The following COL11A1 variants were observed in gnomAD, a reference collection of about 807,000 sequenced individuals.
COL11A1 encodes collagen alpha-1(XI) chain.
Under a neutral mutation model 265.2 loss-of-function variants are expected in COL11A1, and 74 were observed. The ratio of observed to expected loss-of-function variants is 0.28; its 90% CI spans 0.23 to 0.34. The LOEUF is 0.34. Ranked by LOEUF, COL11A1 falls within the 10% of genes least tolerant of loss-of-function variation. COL11A1 has a pLI of 1.00. For synonymous variants in COL11A1, 816 were observed against 727.6 expected (o/e 1.12, Z -1.96); for missense variants, 2,165 against 2,263.6 (o/e 0.96, Z 0.88).
intron 46 of COL11A1, 91 bp from the exon 47 acceptor site, chr1:102,923,480 G>A: frequency 1.1e-6 from 1 of 930,570 alleles, no homozygotes; most frequent in Admixed American, 2.3e-5. Flanking sequence ...CAAGTATAAA[G>A]TTCAATAAGT....
intron 4 of COL11A1, among the ~76,000 whole-genome samples, chr1:103,057,688 G>C (rs912503238): frequency 1.3e-5 from 2 of 152,146 alleles, no homozygotes; most frequent in African/African-American, 4.8e-5. Flanking sequence ...CTACATCAGA[G>C]ATCTTGGGTG....
At chr1:102,921,015 T>C (rs1174834312) in intron 48 of COL11A1, among the ~76,000 whole-genome samples, 2 of 152,206 alleles carry the variant, frequency 1.3e-5, no homozygotes, top group Non-Finnish European at 2.9e-5. Context: ...CAAAATCTTA[T>C]AACATTAAAA....
At chr1:103,030,972 CT>C in intron 5 of COL11A1, 143 bp downstream of exon 5, 1 of 1,071,072 alleles carries the variant, frequency 9.3e-7, no homozygotes, top group Non-Finnish European at 1.4e-6. Flanking sequence ...ATTCAAGTCA[CT>C]TTTTCCTGGA....
At chr1:103,025,421 A>C in intron 7 of COL11A1, 100 bp downstream of exon 7, 1 of 847,028 alleles carries the variant, frequency 1.2e-6, no homozygotes. Flanking sequence ...AAAACATCAG[A>C]TGTTTGAGAA....
intron 4 of COL11A1, among the ~76,000 whole-genome samples, chr1:103,047,295 T>G (rs1669368457): frequency 1.3e-5 from 2 of 152,206 alleles, no homozygotes; most frequent in Non-Finnish European, 2.9e-5. Context: ...AGCAGTGGTT[T>G]GTAGTTATCC....
intron 28 of COL11A1, among the ~76,000 whole-genome samples, chr1:102,992,971 A>G (rs187274542): frequency 4.3e-4 from 65 of 151,058 alleles, no homozygotes; most frequent in African/African-American, 1.6e-3. Flanking sequence ...AATGTATCTT[A>G]TTTTTTTTTC....
chr1:102,997,519 G>A (rs1048420823), intron 25 of COL11A1, among the ~76,000 whole-genome samples: 2 of 151,904 alleles, frequency 1.3e-5, no homozygotes, highest in Non-Finnish European at 2.9e-5. Context: ...GGGGCACTAA[G>A]ACATGTGGAT....
chr1:102,989,569 A>G lies in COL11A1; in HGVS notation c.2343T>C (p.Gly781=). Residue 781 remains glycine, a splice_region_variant and synonymous_variant, in exon 29 of 67, where the codon GGT becomes GGC. Coordinates refer to ENST00000370096, the MANE Select transcript of COL11A1 (RefSeq NM_001854.4). ...RGLKGSKGEK[G]EDGFPGFKGD... is the part of the protein sequence containing the mutation. ...CTTTGAATCCTGGAAAACCATCTTC[A>G]CCCTAAAACATTATAAAAGGAATTA... The G allele has an allele frequency of 6.2e-7, 1 of 1,608,240 alleles. No homozygotes were observed. Among genetic ancestry groups the G allele is most frequent in the Non-Finnish European group, 8.5e-7 (1 of 1,175,342 alleles).
intron 21 of COL11A1, 104 bp downstream of exon 21, chr1:103,003,111 C>A: frequency 8.9e-7 from 1 of 1,127,890 alleles, no homozygotes; most frequent in South Asian, 1.3e-5. Context: ...TCAAACATAA[C>A]AAGGCAATAA....
At position 102,957,208 on chromosome 1, in the gene COL11A1, G is replaced by T. The variant is rs534577991; in HGVS notation, c.3168+4658C>A. 3.9e-5 allele frequency among the ~76,000 whole-genome samples: 6 copies of T among 152,102 alleles called. No homozygotes were observed. The South Asian group carries it at 1.2e-3, about 32-fold the overall frequency. ...AAATGGATTATAAATAAAGAGAATA[G>T]ATGCTAAATATACTTATAAATGAAT... On this transcript the variant is annotated intron_variant, in intron 41 of 66. Coordinates refer to ENST00000370096, the MANE Select transcript of COL11A1 (RefSeq NM_001854.4).
intron 4 of COL11A1, among the ~76,000 whole-genome samples, chr1:103,049,516 T>C (rs559670964): frequency 4.6e-4 from 70 of 152,350 alleles, no homozygotes; most frequent in African/African-American, 1.6e-3. Flanking sequence ...ATGGGTTTCC[T>C]GAATACAGCA....
At chr1:102,915,747 C>A in intron 49 of COL11A1, 63 bp from the exon 50 acceptor site, 3 of 1,249,156 alleles carry the variant, frequency 2.4e-6, no homozygotes, top group African/African-American at 1.5e-5. Context: ...TTATAAAATT[C>A]AAATGTTATC....
chr1:102,943,151 A>T (rs1658905885), intron 42 of COL11A1, among the ~76,000 whole-genome samples: 1 of 152,060 alleles, frequency 6.6e-6, no homozygotes. Flanking sequence ...AATAATAATG[A>T]GGCAACGCAT....
At chr1:103,075,602 T>TTA (rs1571222396) in intron 3 of COL11A1, among the ~76,000 whole-genome samples, 2 of 152,282 alleles carry the variant, frequency 1.3e-5, no homozygotes, top group East Asian at 3.9e-4. Flanking sequence ...TGTAAAATGG[T>TTA]GGGTTTTATT....
intron 2 of COL11A1, among the ~76,000 whole-genome samples, chr1:103,080,299 C>T (rs1672302672): frequency 6.6e-6 from 1 of 151,748 alleles, no homozygotes; most frequent in African/African-American, 2.4e-5. Flanking sequence ...TGGCTCAAAT[C>T]CCAGCCCTAC....
intron 46 of COL11A1, among the ~76,000 whole-genome samples, chr1:102,926,882 T>C (rs919938769): frequency 3.9e-5 from 6 of 152,186 alleles, no homozygotes; most frequent in African/African-American, 9.6e-5. Context: ...GTGGTACTTA[T>C]GACTGTTTAC....
chr1:103,034,138 T>C (rs10782917), intron 4 of COL11A1, among the ~76,000 whole-genome samples: 142,419 of 152,134 alleles, frequency 0.94, 66,899 homozygotes, highest in East Asian at 1. Context: ...GATTCTCTCA[T>C]AGTCTTTGTT....
rs879337611 is a variant in COL11A1, at chr1:102,933,136, G to A, written c.3600+1313C>T. On this transcript the variant is annotated intron_variant, in intron 46 of 66. Transcript: ENST00000370096. ...CCAGCTTTGTTCCATTGCTGGTGAG[G>A]AACTGCGTTCCTTTGGAGGAGGAGA... Among the ~76,000 whole-genome samples the A allele has an allele frequency of 4.6e-3, 693 of 150,476 alleles. 1 individual carries two copies. The highest frequency in any genetic ancestry group is 7.9e-3 in the Non-Finnish European group (533 of 67,704).
At chr1:102,984,431 T>G (rs1402513686) in intron 30 of COL11A1, among the ~76,000 whole-genome samples, 1 of 152,122 alleles carries the variant, frequency 6.6e-6, no homozygotes, top group Non-Finnish European at 1.5e-5. Context: ...TAAGTGGTAG[T>G]GCCTTCTTTA....
Sources: gnomAD v4.1 joint callset for allele counts (sites outside exome capture counted in the v4.1 genomes callset) on GRCh38, gnomAD v4.1.1 for gene constraint, MANE v1.5 for transcripts, NCBI Gene and HGNC (gene_info 2026-07-23, HGNC 2026-07-21) for gene names.